The following MAPKAPK2 variants were observed in gnomAD, a reference collection of about 807,000 sequenced individuals.
MAPKAPK2 encodes MAPK activated protein kinase 2.
A neutral mutation model predicts 48.8 loss-of-function variants in MAPKAPK2; 9 were observed. The observed-to-expected ratio is 0.18, with a 90% CI of 0.11 to 0.32. The LOEUF (loss-of-function observed/expected upper bound fraction) is 0.32. Among genes scored for constraint, MAPKAPK2 ranks in the 10% least tolerant of loss-of-function variants. MAPKAPK2 has a pLI of 1.00. For synonymous variants in MAPKAPK2, 202 were observed against 190.6 expected (o/e 1.06, Z -0.49); for missense variants, 331 against 498.3 (o/e 0.66, Z 3.20).
At chr1:206,708,390 CA>C (rs1481047337) in intron 1 of MAPKAPK2, among the ~76,000 whole-genome samples, 7 of 152,288 alleles carry the variant, frequency 4.6e-5, no homozygotes, top group Non-Finnish European at 8.8e-5. Flanking sequence ...AAGAATTGTA[CA>C]GTGAACATGA....
At chr1:206,708,214 G>C (rs1553428900) in intron 1 of MAPKAPK2, among the ~76,000 whole-genome samples, 2 of 152,212 alleles carry the variant, frequency 1.3e-5, no homozygotes, top group African/African-American at 4.8e-5. Context: ...GCCCTCCGCA[G>C]GCCCCTGTGT....
chr1:206,706,972 A>C (rs1553428673), intron 1 of MAPKAPK2, among the ~76,000 whole-genome samples: 1 of 152,060 alleles, frequency 6.6e-6, no homozygotes, highest in East Asian at 1.9e-4. Flanking sequence ...TCCATCCGTC[A>C]GCCCCGAACA....
At chr1:206,712,962 T>TCTCACA (rs1553429738) in intron 1 of MAPKAPK2, among the ~76,000 whole-genome samples, 1 of 112,230 alleles carries the variant, frequency 8.9e-6, no homozygotes, top group African/African-American at 3.6e-5. Context: ...TGAGACTCCA[T>TCTCACA]CACACACACA....
intron 5 of MAPKAPK2, among the ~76,000 whole-genome samples, 164 bp downstream of exon 5, chr1:206,730,262 C>T (rs371502347): frequency 6.6e-6 from 1 of 152,156 alleles, no homozygotes; most frequent in Admixed American, 6.5e-5. Flanking sequence ...CTTGTCAGAG[C>T]GAAGCTACAG....
intron 1 of MAPKAPK2, among the ~76,000 whole-genome samples, chr1:206,712,962 T>TCACACACACACAAA (rs1553429744): frequency 4.5e-5 from 5 of 112,306 alleles, no homozygotes; most frequent in African/African-American, 1.8e-4. Flanking sequence ...TGAGACTCCA[T>TCACACACACACAAA]CACACACACA....
At chr1:206,694,249 A>G (rs1553426681) in intron 1 of MAPKAPK2, among the ~76,000 whole-genome samples, 1 of 152,104 alleles carries the variant, frequency 6.6e-6, no homozygotes, top group East Asian at 1.9e-4. Flanking sequence ...GAAGGGGTGT[A>G]TGGTGGAGAG....
At chr1:206,701,107 T>C (rs1672779771) in intron 1 of MAPKAPK2, among the ~76,000 whole-genome samples, 1 of 152,178 alleles carries the variant, frequency 6.6e-6, no homozygotes, top group Admixed American at 6.5e-5. Flanking sequence ...CTCTTCAGAC[T>C]GGAGGTGAGC....
At chr1:206,695,772 C>CTCT (rs56709406) in intron 1 of MAPKAPK2, 2,710 of 52,476 alleles carry the variant, frequency 0.052, 58 homozygotes, top group African/African-American at 0.12. Flanking sequence ...CTCTCTCTCT[C>CTCT]TTTTTTTTTT....
At chr1:206,723,017 C>G (rs914725288) in intron 1 of MAPKAPK2, among the ~76,000 whole-genome samples, 1 of 152,244 alleles carries the variant, frequency 6.6e-6, no homozygotes. Flanking sequence ...ACATACCGCA[C>G]CACACACCCA....
rs1385578112 is a variant in MAPKAPK2 at position 206,725,751 on chromosome 1, T to C, written c.280-2959T>C. Among the ~76,000 whole-genome samples, 4 of 152,298 alleles carry C rather than the reference T, an allele frequency of 2.6e-5. No homozygotes were observed. In the South Asian group the frequency reaches 8.3e-4, roughly 32 times the overall value. Reference sequence around the variant, plus strand: ...TCTCCTCTGGGCTCCAGTTCCTGTGTGCCTGTAGGGGGCGATCGAGGTTCT... The same window carrying C: ...TCTCCTCTGGGCTCCAGTTCCTGTGCGCCTGTAGGGGGCGATCGAGGTTCT... On this transcript the variant is annotated intron_variant, in intron 1 of 9. Transcript: ENST00000367103.
chr1:206,718,204 T>C (rs534778961), intron 1 of MAPKAPK2, among the ~76,000 whole-genome samples: 3 of 152,364 alleles, frequency 2.0e-5, no homozygotes, highest in Admixed American at 2.0e-4. Context: ...CTTTAAAAGC[T>C]ACTTAAGTAA....
rs987125984 is a variant in MAPKAPK2 at position 206,732,329 on chromosome 1, G to A, written c.1060-246G>A. ...CCCAAGTCTCTTCCTCCTATCCTGCGGGATCACTGGGGGGCTCTCAGGGAA... is the reference window on the plus strand; with the variant it reads ...CCCAAGTCTCTTCCTCCTATCCTGCAGGATCACTGGGGGGCTCTCAGGGAA... On this transcript the variant is annotated intron_variant, in intron 9 of 9. Coordinates refer to ENST00000367103, the MANE Select transcript of MAPKAPK2 (RefSeq NM_032960.4). The surrounding 1 kb of genome is among the most constrained non-coding windows in gnomAD (Gnocchi z 4.4). 4.3e-5 allele frequency: 62 copies of A among 1,443,056 alleles called. No individual in the cohort carries two copies. The highest frequency in any genetic ancestry group is 3.2e-4 in the East Asian group (13 of 40,270). The allele number at this position is 1,443,056 out of a possible 1,614,324, so 89.4% of individuals were successfully genotyped here. A position where few individuals can be genotyped will look rare whatever the true frequency, so the allele number is the denominator to read the frequency against.
At chr1:206,698,253 A>G (rs1672691072) in intron 1 of MAPKAPK2, among the ~76,000 whole-genome samples, 1 of 152,196 alleles carries the variant, frequency 6.6e-6, no homozygotes, top group Admixed American at 6.5e-5. Flanking sequence ...ATTAGCTTGG[A>G]ATGGCAGAAC....
At position 206,729,983 on chromosome 1, in the gene MAPKAPK2, C is replaced by G. The variant is rs1558588927; in HGVS notation, c.576C>G (p.Leu192=). 5 of 1,614,242 alleles carry G rather than the reference C, an allele frequency of 3.1e-6. No individual in the cohort carries two copies. The South Asian group carries it at 5.5e-5, about 18-fold the overall frequency. ...IAHRDVKPEN[L]LYTSKRPNAI... ...CTCTCTTTCTGTAGCCTGAGAATCT[C>G]TTATACACCTCCAAAAGGCCCAACG... is the stretch of plus-strand genomic sequence containing the variant. The change falls in exon 5 of 10, where the codon CTC becomes CTG. Residue 192 remains leucine, a synonymous_variant. Coordinates refer to ENST00000367103, the MANE Select transcript of MAPKAPK2 (RefSeq NM_032960.4).
At chr1:206,694,526 C>A (rs75625121) in intron 1 of MAPKAPK2, among the ~76,000 whole-genome samples, 1 of 152,366 alleles carries the variant, frequency 6.6e-6, no homozygotes, top group East Asian at 1.9e-4. Flanking sequence ...CCTATCCCGA[C>A]TGCCTTCCTT....
rs1214651607 is a variant in MAPKAPK2 at position 206,696,119 on chromosome 1, C to G, written c.279+10611C>G. On this transcript the variant is annotated intron_variant, in intron 1 of 9. Coordinates refer to ENST00000367103, the MANE Select transcript of MAPKAPK2 (RefSeq NM_032960.4). Reference sequence around the variant, plus strand: ...CTACCAGTCACACGGCAGATGATTTCTTTGCCAGAAAGATCAGTGACATGG... The same window carrying G: ...CTACCAGTCACACGGCAGATGATTTGTTTGCCAGAAAGATCAGTGACATGG... 5 of 1,495,046 alleles carry G rather than the reference C, an allele frequency of 3.3e-6. No individual in the cohort carries two copies. The Admixed American group carries it at 5.0e-5, about 15-fold the overall frequency. The allele number at this position is 1,495,046 out of a possible 1,614,324, so 92.6% of individuals were successfully genotyped here.
Position 206,731,021 on chromosome 1 carries a change from C to G in MAPKAPK2, c.768-117C>G. On this transcript the variant is annotated intron_variant, in intron 6 of 9. Transcript: ENST00000367103. This position sits in a 1 kb window ranked among gnomAD's most constrained non-coding sequence, Gnocchi z 5.9. Reference sequence around the variant, plus strand: ...TGTATATTGTGCCTGTGTCAATAAGCCCTGATTTCTCTGTGACCTTTACAA... The same window carrying G: ...TGTATATTGTGCCTGTGTCAATAAGGCCTGATTTCTCTGTGACCTTTACAA... The G allele has an allele frequency of 7.1e-7, 1 of 1,400,832 alleles. No homozygotes were observed. Among genetic ancestry groups the G allele is most frequent in the Non-Finnish European group, 1.0e-6 (1 of 995,378 alleles). 86.8% of individuals were successfully genotyped at this position (1,400,832 alleles called of 1,614,324 possible).
Position 206,732,349 on chromosome 1 carries a change from AG to A in MAPKAPK2, c.1060-223del. ...CCTGCGGGATCACTGGGGGGCTCTC[AG>A]GGAACAGCAGCAGTGCCATAGCCAG... On this transcript the variant is annotated intron_variant, in intron 9 of 9. Transcript: ENST00000367103. The surrounding 1 kb of genome is among the most constrained non-coding windows in gnomAD (Gnocchi z 4.4). The A allele has an allele frequency of 6.9e-7, 1 of 1,443,826 alleles. No individual in the cohort carries two copies. Among genetic ancestry groups the A allele is most frequent in the Non-Finnish European group, 9.1e-7 (1 of 1,101,792 alleles). 89.4% of individuals were successfully genotyped at this position (1,443,826 alleles called of 1,614,324 possible).
At chr1:206,717,944 G>A (rs1414039966) in intron 1 of MAPKAPK2, among the ~76,000 whole-genome samples, 5 of 151,532 alleles carry the variant, frequency 3.3e-5, no homozygotes, top group African/African-American at 1.2e-4. Context: ...TTGCAGGGGA[G>A]GTAAATTCCT....
Sources: allele counts gnomAD v4.1 joint callset (sites outside exome capture counted in the v4.1 genomes callset), GRCh38; gene constraint gnomAD v4.1.1; non-coding constraint Gnocchi (gnomAD v3.1); transcripts MANE v1.5; gene names NCBI Gene and HGNC (gene_info 2026-07-23, HGNC 2026-07-21).